The following CEP63 variants were observed in gnomAD, a reference collection of about 807,000 sequenced individuals.
CEP63 encodes centrosomal protein 63.
Under a neutral mutation model 89.1 loss-of-function variants are expected in CEP63, and 84 were observed. The ratio of observed to expected loss-of-function variants is 0.94; its 90% CI spans 0.79 to 1.13. The LOEUF (loss-of-function observed/expected upper bound fraction) is 1.13. Among genes scored for constraint, CEP63 ranks in the 50% most tolerant of loss-of-function variants. The pLI, the probability that CEP63 is intolerant of heterozygous loss-of-function variation, is 0.00. For synonymous variants in CEP63, 267 were observed against 272.5 expected (o/e 0.98, Z 0.20); for missense variants, 838 against 813.3 (o/e 1.03, Z -0.37).
chr3:134,543,287 C>G (rs549461118), intron 6 of CEP63, among the ~76,000 whole-genome samples: 161 of 152,260 alleles, frequency 1.1e-3, no homozygotes, highest in African/African-American at 3.5e-3. Context: ...CATCTCAATT[C>G]AGATTAGCCA....
chr3:134,509,038 A>G (rs530995166), intron 3 of CEP63, among the ~76,000 whole-genome samples: 2 of 152,058 alleles, frequency 1.3e-5, no homozygotes, highest in African/African-American at 4.8e-5. Context: ...CCAACAACCA[A>G]TGAAGGGCAG....
the CEP63 span, among the ~76,000 whole-genome samples, chr3:134,761,434 C>T: frequency 6.6e-6 from 1 of 152,206 alleles, no homozygotes; most frequent in Non-Finnish European, 1.5e-5. Context: ...ACCGCCTTGG[C>T]ATTGTGCAGC....
intron 5 of CEP63, 194 bp from the exon 6 acceptor site, chr3:134,536,961 C>T (rs965791422): frequency 1.7e-6 from 1 of 587,510 alleles, no homozygotes; most frequent in African/African-American, 1.9e-5. Context: ...GACAGATATC[C>T]AGAGGCACAG....
At chr3:134,573,402 T>C (rs926631105) in intron 11 of CEP63, among the ~76,000 whole-genome samples, 27 of 152,226 alleles carry the variant, frequency 1.8e-4, no homozygotes, top group Non-Finnish European at 1.5e-5. Context: ...TTTAACTCTT[T>C]ACTCCATCTT....
chr3:134,527,604 C>T (rs1349721569), intron 3 of CEP63, among the ~76,000 whole-genome samples: 1 of 152,206 alleles, frequency 6.6e-6, no homozygotes, highest in African/African-American at 2.4e-5. Context: ...CCAGCAAAGC[C>T]ATGTGGGGAG....
the CEP63 span, among the ~76,000 whole-genome samples, chr3:134,740,758 T>A: frequency 6.6e-6 from 1 of 152,142 alleles, no homozygotes; most frequent in Non-Finnish European, 1.5e-5. Context: ...AGCCAAGATT[T>A]TGTCTTCTTT....
At chr3:134,754,064 C>T in the CEP63 span, among the ~76,000 whole-genome samples, 1 of 152,168 alleles carries the variant, frequency 6.6e-6, no homozygotes, top group African/African-American at 2.4e-5. Context: ...CAGTCTTTGC[C>T]AAAAATATGA....
chr3:134,549,179 A>G lies in CEP63; in HGVS notation c.1182+3A>G. 2 of 1,556,730 alleles carry G rather than the reference A, an allele frequency of 1.3e-6. No homozygotes were observed. The highest frequency in any genetic ancestry group is 1.8e-6 in the Non-Finnish European group (2 of 1,128,000). On this transcript the variant is annotated splice_donor_region_variant and intron_variant, in intron 10 of 14. Coordinates refer to ENST00000675561, the MANE Select transcript of CEP63 (RefSeq NM_001353108.3). Reference sequence around the variant, plus strand: ...AATACAAAGCAGAGATTAAGAAGGTAAAAATCTGCATACCTAGGATTGCAA... The same window carrying G: ...AATACAAAGCAGAGATTAAGAAGGTGAAAATCTGCATACCTAGGATTGCAA...
the CEP63 span, among the ~76,000 whole-genome samples, chr3:134,736,050 G>T: frequency 6.6e-6 from 1 of 152,028 alleles, no homozygotes; most frequent in Non-Finnish European, 1.5e-5. Context: ...AGGCGAGTAG[G>T]AAAAAATACA....
the CEP63 span, among the ~76,000 whole-genome samples, chr3:134,631,383 C>G: frequency 1.3e-5 from 2 of 152,128 alleles, no homozygotes; most frequent in Non-Finnish European, 2.9e-5. Context: ...AAAAGAAATG[C>G]TAACGGAAGT....
chr3:134,500,428 ATTAT>A (rs1197283175), intron 2 of CEP63, among the ~76,000 whole-genome samples: 11 of 152,084 alleles, frequency 7.2e-5, no homozygotes, highest in Non-Finnish European at 1.6e-4. Context: ...TTTTGGTAGA[ATTAT>A]TTATTTTCCT....
the CEP63 span, among the ~76,000 whole-genome samples, chr3:134,636,861 T>C: frequency 1.3e-5 from 2 of 152,260 alleles, no homozygotes; most frequent in African/African-American, 4.8e-5. Flanking sequence ...TAGTAGTCTT[T>C]GCCTATACTT....
chr3:134,746,385 T>G, the CEP63 span, among the ~76,000 whole-genome samples: 1 of 152,156 alleles, frequency 6.6e-6, no homozygotes, highest in Non-Finnish European at 1.5e-5. Flanking sequence ...TAAACATAAG[T>G]GTGCATGTGT....
the CEP63 span, among the ~76,000 whole-genome samples, chr3:134,625,418 C>T: frequency 6.6e-6 from 1 of 152,236 alleles, no homozygotes; most frequent in Non-Finnish European, 1.5e-5. Context: ...ACGGGCTTAA[C>T]CTTAGTTAAC....
chr3:134,648,596 G>A, the CEP63 span, among the ~76,000 whole-genome samples: 1 of 152,292 alleles, frequency 6.6e-6, no homozygotes, highest in East Asian at 1.9e-4. Context: ...GAAATGACTG[G>A]GAGGCTGCTA....
the CEP63 span, among the ~76,000 whole-genome samples, chr3:134,727,353 G>A: frequency 6.6e-6 from 1 of 152,226 alleles, no homozygotes; most frequent in African/African-American, 2.4e-5. Context: ...TGGGTGATCA[G>A]TTAGCAAAAA....
At position 134,546,056 on chromosome 3, in the gene CEP63, A is replaced by G. The variant is rs1461111791; in HGVS notation, c.790-93A>G. 3.7e-6 allele frequency: 5 copies of G among 1,367,366 alleles called. No homozygotes were observed. The East Asian group carries it at 1.2e-4, about 33-fold the overall frequency. The allele number at this position is 1,367,366 out of a possible 1,614,324, so 84.7% of individuals were successfully genotyped here. A position where few individuals can be genotyped will look rare whatever the true frequency, so the allele number is the denominator to read the frequency against. On this transcript the variant is annotated intron_variant, in intron 7 of 14. Coordinates refer to ENST00000675561, the MANE Select transcript of CEP63 (RefSeq NM_001353108.3). ...GCTTCTCGTGAAATAGAAAAATTGT[A>G]ATAATAGCTGGCTTAGAAATTTCTG...
In CEP63 at chr3:134,532,032, A is replaced by G. The variant is rs1382387195; in HGVS notation, c.318+92A>G. On this transcript the variant is annotated intron_variant, in intron 4 of 14. Transcript: ENST00000675561. ...TAATGAAAGCCAGTTTCTACTTTGT[A>G]AAGTGGGAAATACATACTCCATCAA... 1.0e-5 allele frequency: 8 copies of G among 793,640 alleles called. No homozygotes were observed. The Admixed American group carries it at 1.3e-4, about 13-fold the overall frequency. The allele number at this position is 793,640 out of a possible 1,614,324, so 49.2% of individuals were successfully genotyped here.
the CEP63 span, among the ~76,000 whole-genome samples, chr3:134,687,319 G>A: frequency 6.6e-6 from 1 of 152,196 alleles, no homozygotes; most frequent in Non-Finnish European, 1.5e-5. Context: ...ACAACTTTAT[G>A]TGATTCTCTG....
Sources: gnomAD v4.1 joint callset for allele counts (sites outside exome capture counted in the v4.1 genomes callset) on GRCh38, gnomAD v4.1.1 for gene constraint, MANE v1.5 for transcripts, NCBI Gene and HGNC (gene_info 2026-07-23, HGNC 2026-07-21) for gene names.